Variants in GIT2 observed in about 807,000 individuals in gnomAD.
GIT2 encodes the protein GIT ArfGAP 2, also known as ARF GTPase-activating protein GIT2.
In GIT2, 32 loss-of-function variants were observed where a neutral mutation model predicts 100.3. The observed-to-expected ratio is 0.32, with a 90% confidence interval of 0.24 to 0.43. GIT2 has a LOEUF of 0.43. Ranked by LOEUF, GIT2 falls within the 20% of genes least tolerant of loss-of-function variation. The pLI is 1.00. For missense variants in GIT2, 737 were observed against 975.1 expected (o/e 0.76, Z 3.25); for synonymous variants, 353 against 364.1 (o/e 0.97, Z 0.35).
chr12:109,987,263 A>C (rs1385269851), intron 4 of GIT2, among the ~76,000 whole-genome samples: 5 of 151,714 alleles, frequency 3.3e-5, no homozygotes, highest in Non-Finnish European at 7.4e-5. Context: ...GGGCACCTGT[A>C]GTCCCAGCTA....
intron 7 of GIT2, among the ~76,000 whole-genome samples, chr12:109,975,120 T>G (rs566889667): frequency 3.6e-4 from 55 of 152,364 alleles, no homozygotes; most frequent in African/African-American, 1.2e-3. Flanking sequence ...GGTATATCTT[T>G]TTATACTTTT....
At chr12:109,940,901 AAAACAAAACC>A (rs1234525545) in intron 16 of GIT2, among the ~76,000 whole-genome samples, 2 of 149,936 alleles carry the variant, frequency 1.3e-5, no homozygotes, top group African/African-American at 2.5e-5. Flanking sequence ...AAAACAAAAC[AAAACAAAACC>A]AAAAAGAAAA....
At chr12:109,987,968 A>G (rs1033117133) in intron 4 of GIT2, among the ~76,000 whole-genome samples, 1 of 152,186 alleles carries the variant, frequency 6.6e-6, no homozygotes, top group Non-Finnish European at 1.5e-5. Context: ...TGAGTCACAC[A>G]TTGCTTTCTG....
intron 4 of GIT2, among the ~76,000 whole-genome samples, chr12:109,986,091 A>C (rs1887328122): frequency 6.6e-6 from 1 of 151,810 alleles, no homozygotes; most frequent in African/African-American, 2.4e-5. Flanking sequence ...TCCCCAGTTC[A>C]AGAGATTCAC....
chr12:109,947,376 G>A lies in GIT2; in HGVS notation c.1521C>T (p.Ala507=), dbSNP rs1876634507. ...NHSSLKRRPS[A]RGSRPMSMYE... ...ACATGGACATGGGCCTACTGCCCCGGGCAGACGGACGTCTCTTTAAGGAAG... is the reference window on the plus strand; with the variant it reads ...ACATGGACATGGGCCTACTGCCCCGAGCAGACGGACGTCTCTTTAAGGAAG... The change falls in exon 15 of 20, where the codon GCC becomes GCT. Residue 507 remains alanine, a synonymous_variant. Coordinates refer to ENST00000355312, the MANE Select transcript of GIT2 (RefSeq NM_057169.5). The surrounding 1 kb of genome is among the most constrained non-coding windows in gnomAD (Gnocchi z 4.3). 6.2e-7 allele frequency: 1 copy of A among 1,614,006 alleles called. No homozygotes were observed. Among genetic ancestry groups the A allele is most frequent in the African/African-American group, 1.3e-5 (1 of 74,896 alleles).
At chr12:109,983,245 C>T in intron 6 of GIT2, 128 bp downstream of exon 6, 1 of 856,660 alleles carries the variant, frequency 1.2e-6, no homozygotes, top group East Asian at 2.5e-5. Context: ...ATGTCTTCAT[C>T]TGTAAAATAA....
chr12:109,966,442 G>T (rs1415349986), intron 8 of GIT2, among the ~76,000 whole-genome samples: 1 of 146,950 alleles, frequency 6.8e-6, no homozygotes, highest in Non-Finnish European at 1.5e-5. Flanking sequence ...CTGGGAGGTG[G>T]AGGTTGCCCT....
chr12:109,963,137 A>G (rs1004465198), intron 9 of GIT2, among the ~76,000 whole-genome samples: 6 of 152,388 alleles, frequency 3.9e-5, no homozygotes, highest in African/African-American at 1.2e-4. Flanking sequence ...CAGTTTTAAA[A>G]AAAGATATGC....
Position 109,939,170 on chromosome 12 carries a change from G to T in GIT2, c.1809C>A (p.Gly603=). The T allele has an allele frequency of 6.2e-7, 1 of 1,601,340 alleles. No homozygotes were observed. Among genetic ancestry groups the T allele is most frequent in the Non-Finnish European group, 8.6e-7 (1 of 1,168,584 alleles). ...CGCTCGTCCTGTGCATGTACCCCAT[G>T]CCATCTGGCTCCATGTCGTTGGGAG... ...DNTPNDMEPD[G]MGSSRKGRQR... Residue 603 remains glycine (G), a synonymous_variant, in exon 17 of 20, where the codon GGC becomes GGA. Coordinates refer to ENST00000355312, the MANE Select transcript of GIT2 (RefSeq NM_057169.5).
At chr12:109,952,812 G>A (rs747051535) in intron 13 of GIT2, 14 of 504,928 alleles carry the variant, frequency 2.8e-5, no homozygotes, top group Admixed American at 9.6e-5. Context: ...GGAAAGGGAC[G>A]AGGCCTCATT....
chr12:109,980,526 C>CCTGTTCCCTA (rs1886113859), intron 7 of GIT2, among the ~76,000 whole-genome samples: 1 of 152,102 alleles, frequency 6.6e-6, no homozygotes, highest in South Asian at 2.1e-4. Flanking sequence ...TTTGCTGACC[C>CCTGTTCCCTA]CTGTTCCCTA....
At chr12:110,000,108 TTTTAACTCGGGCCGGCTGGC>T (rs1216039862), upstream of GIT2, among the ~76,000 whole-genome samples, 3 of 152,188 alleles carry the variant, frequency 2.0e-5, no homozygotes, top group African/African-American at 7.2e-5. Context: ...CAAGTCGGGA[TTTTAACTCGGGCCGGCTGGC>T]TCCGGAATGC....
At chr12:109,995,709 G>A (rs1442257504) in intron 1 of GIT2, among the ~76,000 whole-genome samples, 1 of 152,240 alleles carries the variant, frequency 6.6e-6, no homozygotes, top group Non-Finnish European at 1.5e-5. Context: ...CAGCGGGGAA[G>A]TCATCTACGG....
upstream of GIT2, chr12:109,997,702 G>T (rs1357649342): frequency 1.3e-5 from 2 of 152,196 alleles, no homozygotes; most frequent in African/African-American, 4.8e-5. Context: ...TGATACACCT[G>T]CTGGATAGTA....
At chr12:109,964,446 G>A (rs1565975841) in intron 9 of GIT2, among the ~76,000 whole-genome samples, 1 of 152,046 alleles carries the variant, frequency 6.6e-6, no homozygotes. Context: ...ATAAATGAGG[G>A]AAGCTGCAAT....
At chr12:109,986,477 A>G (rs1044921044) in intron 4 of GIT2, among the ~76,000 whole-genome samples, 47 of 152,278 alleles carry the variant, frequency 3.1e-4, no homozygotes, top group African/African-American at 1.1e-3. Flanking sequence ...TAAAGATACA[A>G]AAAATGGCCG....
intron 1 of GIT2, among the ~76,000 whole-genome samples, chr12:109,993,163 A>G (rs1027949): frequency 0.28 from 43,193 of 152,002 alleles, 9,287 homozygotes; most frequent in African/African-American, 0.61. Flanking sequence ...TGAAACAAGG[A>G]ATAATTTCAT....
At chr12:109,952,561 A>G (rs752974636) in intron 13 of GIT2, 5 of 518,968 alleles carry the variant, frequency 9.6e-6, no homozygotes, top group Non-Finnish European at 1.9e-5. Context: ...GTCCCTATGC[A>G]TGACCAGCTT....
intron 16 of GIT2, among the ~76,000 whole-genome samples, chr12:109,943,940 G>A (rs763127234): frequency 9.9e-5 from 15 of 152,048 alleles, no homozygotes; most frequent in Non-Finnish European, 1.6e-4. Flanking sequence ...CAATCCACCC[G>A]CCTAGGCCTC....
Sources: allele counts gnomAD v4.1 joint callset (sites outside exome capture counted in the v4.1 genomes callset), GRCh38; gene constraint gnomAD v4.1.1; non-coding constraint Gnocchi (gnomAD v3.1); transcripts MANE v1.5; gene names NCBI Gene and HGNC (gene_info 2026-07-23, HGNC 2026-07-21).